Variants in NKAIN2 observed in about 807,000 individuals in gnomAD.
NKAIN2 encodes sodium/potassium transporting ATPase interacting 2, also known as sodium/potassium-transporting ATPase subunit beta-1-interacting protein 2.
NKAIN2 carries 14 observed loss-of-function variants against 32.6 expected under a neutral mutation model. The ratio of observed to expected loss-of-function variants is 0.43; its 90% CI spans 0.28 to 0.67. The LOEUF (loss-of-function observed/expected upper bound fraction) is 0.67. NKAIN2 is among the 30% of genes least tolerant of loss of function. NKAIN2 has a pLI of 0.17. For synonymous variants in NKAIN2, 80 were observed against 87.2 expected, an observed-to-expected ratio of 0.92 and a Z score of 0.46; for missense variants, 198 against 258.3, an observed-to-expected ratio of 0.77 and a Z score of 1.60.
chr6:124,033,524 A>G (rs1206950269), intron 1 of NKAIN2, among the ~76,000 whole-genome samples: 1 of 152,184 alleles, frequency 6.6e-6, no homozygotes, highest in Non-Finnish European at 1.5e-5. Context: ...AGTAGCATTC[A>G]GAACAAAATA....
At chr6:123,818,113 T>C (rs940399830) in intron 1 of NKAIN2, among the ~76,000 whole-genome samples, 1 of 152,198 alleles carries the variant, frequency 6.6e-6, no homozygotes, top group African/African-American at 2.4e-5. Flanking sequence ...AAAATATGCA[T>C]ATAGTATATG....
intron 1 of NKAIN2, among the ~76,000 whole-genome samples, chr6:124,006,121 G>A (rs1291930646): frequency 6.6e-6 from 1 of 152,154 alleles, no homozygotes; most frequent in African/African-American, 2.4e-5. Flanking sequence ...TGTTTGAGGA[G>A]GAAATTGAAG....
chr6:124,676,239 C>A, intron 4 of NKAIN2, among the ~76,000 whole-genome samples: 1 of 151,894 alleles, frequency 6.6e-6, no homozygotes, highest in East Asian at 1.9e-4. Context: ...ATTTTGTGAC[C>A]TAACATGTGA....
At chr6:124,023,578 T>C (rs1780970721) in intron 1 of NKAIN2, among the ~76,000 whole-genome samples, 1 of 152,220 alleles carries the variant, frequency 6.6e-6, no homozygotes, top group South Asian at 2.1e-4. Context: ...TTTATAAACA[T>C]CTTTGTTTTA....
chr6:124,764,055 A>G (rs911065644), intron 4 of NKAIN2, among the ~76,000 whole-genome samples: 2 of 152,146 alleles, frequency 1.3e-5, no homozygotes, highest in African/African-American at 2.4e-5. Flanking sequence ...TATTTCTCCA[A>G]CTATAGTCTT....
chr6:124,705,059 A>G (rs921686582), intron 4 of NKAIN2, among the ~76,000 whole-genome samples: 4 of 152,090 alleles, frequency 2.6e-5, no homozygotes, highest in African/African-American at 9.7e-5. Flanking sequence ...TCCAATGGCC[A>G]AAAGCTCTTA....
In NKAIN2 at chr6:124,408,161, A is replaced by T. The variant is rs1049955125; in HGVS notation, c.273+52814A>T. On this transcript the variant is annotated intron_variant, in intron 3 of 6. Coordinates refer to ENST00000368417, the MANE Select transcript of NKAIN2 (RefSeq NM_001040214.3). The stretch of plus-strand genomic sequence containing the variant: ...TTCTGTAGGTTGCCTGTTCACTCTG[A>T]TGGTAGTTTGTTTTGCTGTGCAGAA... Among the ~76,000 whole-genome samples the T allele has an allele frequency of 3.4e-3, 510 of 151,984 alleles. 5 individuals carry two copies. Among genetic ancestry groups the T allele is most frequent in the Admixed American group, 6.3e-3 (96 of 15,268 alleles).
chr6:124,798,267 G>C (rs1212951366), intron 5 of NKAIN2, among the ~76,000 whole-genome samples: 2 of 152,166 alleles, frequency 1.3e-5, no homozygotes, highest in African/African-American at 4.8e-5. Context: ...GTGCCAGGTT[G>C]ACAGGGAGAA....
At chr6:124,078,402 A>G (rs1258522120) in intron 1 of NKAIN2, among the ~76,000 whole-genome samples, 1 of 152,174 alleles carries the variant, frequency 6.6e-6, no homozygotes, top group Non-Finnish European at 1.5e-5. Flanking sequence ...TGCTGTTAAC[A>G]TTTTACAAAT....
At chr6:124,461,043 G>C (rs747620993) in intron 3 of NKAIN2, among the ~76,000 whole-genome samples, 10 of 151,678 alleles carry the variant, frequency 6.6e-5, no homozygotes, top group Non-Finnish European at 1.2e-4. Flanking sequence ...TAGCAAAAGA[G>C]AGGTCACTTA....
intron 1 of NKAIN2, among the ~76,000 whole-genome samples, chr6:123,846,028 A>G (rs1775074505): frequency 6.6e-6 from 1 of 152,038 alleles, no homozygotes; most frequent in Non-Finnish European, 1.5e-5. Flanking sequence ...TACCCATTCT[A>G]ATTTTATAAC....
chr6:124,122,099 G>T (rs1785912957), intron 1 of NKAIN2, among the ~76,000 whole-genome samples: 1 of 151,778 alleles, frequency 6.6e-6, no homozygotes, highest in Non-Finnish European at 1.5e-5. Flanking sequence ...TATTTTTCTG[G>T]CTCTGAAAAT....
intron 3 of NKAIN2, among the ~76,000 whole-genome samples, chr6:124,393,979 GAGTTGAATCCC>G (rs1410597397): frequency 1.3e-5 from 2 of 152,118 alleles, no homozygotes; most frequent in African/African-American, 4.8e-5. Context: ...AGCAAAGAAA[GAGTTGAATCCC>G]AGACTTATTG....
intron 1 of NKAIN2, among the ~76,000 whole-genome samples, chr6:124,120,470 T>C (rs1785826241): frequency 6.6e-6 from 1 of 152,180 alleles, no homozygotes; most frequent in Non-Finnish European, 1.5e-5. Context: ...TAGGTTATTT[T>C]ATTTAATCTG....
At chr6:123,879,172 T>C (rs114817816) in intron 1 of NKAIN2, among the ~76,000 whole-genome samples, 2,042 of 152,270 alleles carry the variant, frequency 0.013, 48 homozygotes, top group African/African-American at 0.046. Flanking sequence ...AGTCGAACTG[T>C]TGGGGCTAGA....
At chr6:124,806,105 C>A (rs1780539705) in intron 5 of NKAIN2, among the ~76,000 whole-genome samples, 2 of 152,124 alleles carry the variant, frequency 1.3e-5, no homozygotes, top group African/African-American at 2.4e-5. Flanking sequence ...TCTAGCAAGG[C>A]AGGCCAACGT....
chr6:123,850,628 A>G (rs1334483705), intron 1 of NKAIN2, among the ~76,000 whole-genome samples: 1 of 152,214 alleles, frequency 6.6e-6, no homozygotes, highest in African/African-American at 2.4e-5. Context: ...TTAATTGACA[A>G]ATAAACATTG....
intron 1 of NKAIN2, among the ~76,000 whole-genome samples, chr6:123,940,849 A>AT (rs1010606421): frequency 2.6e-5 from 4 of 151,792 alleles, no homozygotes; most frequent in African/African-American, 9.7e-5. Flanking sequence ...TATTTAAAAA[A>AT]TTTTTCATTC....
intron 1 of NKAIN2, among the ~76,000 whole-genome samples, chr6:124,268,929 T>C (rs1794624740): frequency 6.6e-6 from 1 of 152,140 alleles, no homozygotes; most frequent in Non-Finnish European, 1.5e-5. Context: ...TTTCCTAAGT[T>C]ATACTGTTGC....
Sources: gnomAD v4.1 joint callset for allele counts (sites outside exome capture counted in the v4.1 genomes callset) on GRCh38, gnomAD v4.1.1 for gene constraint, MANE v1.5 for transcripts, NCBI Gene and HGNC (gene_info 2026-07-23, HGNC 2026-07-21) for gene names.